The following PRKG1 variants were observed in gnomAD, a reference collection of about 807,000 sequenced individuals.
PRKG1 encodes protein kinase cGMP-dependent 1.
A neutral mutation model predicts 88.1 loss-of-function variants in PRKG1; 35 were observed. The ratio of observed to expected loss-of-function variants is 0.40; its 90% CI spans 0.30 to 0.53. The LOEUF is 0.53. Ranked by LOEUF, PRKG1 falls within the 20% of genes least tolerant of loss-of-function variation. PRKG1 has a pLI of 0.59. For synonymous variants in PRKG1, 303 were observed against 292.5 expected (o/e 1.04, Z -0.37); for missense variants, 540 against 839.8 (o/e 0.64, Z 4.41).
At chr10:51,987,257 T>G (rs1397307380) in intron 5 of PRKG1, among the ~76,000 whole-genome samples, 1 of 152,058 alleles carries the variant, frequency 6.6e-6, no homozygotes, top group African/African-American at 2.4e-5. Context: ...TGTTCAATGA[T>G]GTATGTACTT....
At chr10:51,521,973 G>A (rs1006475019) in intron 3 of PRKG1, among the ~76,000 whole-genome samples, 18 of 151,896 alleles carry the variant, frequency 1.2e-4, no homozygotes, top group Non-Finnish European at 2.9e-5. Flanking sequence ...ATACAGCATG[G>A]GAGTCAGAAA....
rs570732863 is a variant in PRKG1 at position 51,476,384 on chromosome 10, G to A, written c.592+8548G>A. ...AAAAAAGATTCAAGAAGCAATCTGG[G>A]GTAGCTGAACATTTTCCTTTAAAGC... On this transcript the variant is annotated intron_variant, in intron 3 of 17. Coordinates refer to ENST00000373980, the MANE Select transcript of PRKG1 (RefSeq NM_006258.4). Among the ~76,000 whole-genome samples the A allele has an allele frequency of 9.9e-5, 15 of 152,098 alleles. No individual in the cohort carries two copies. In the East Asian group the frequency reaches 2.3e-3, roughly 24 times the overall value.
intron 3 of PRKG1, among the ~76,000 whole-genome samples, chr10:51,479,560 T>A (rs1330239850): frequency 6.6e-6 from 1 of 152,120 alleles, no homozygotes; most frequent in Non-Finnish European, 1.5e-5. Flanking sequence ...TCCTTTTTCT[T>A]CTACTCATCT....
At chr10:51,073,652 G>A (rs753872855), upstream of PRKG1, among the ~76,000 whole-genome samples, 2 of 152,108 alleles carry the variant, frequency 1.3e-5, no homozygotes, top group Non-Finnish European at 2.9e-5. Flanking sequence ...AGTTTGGAAG[G>A]GGCAGAAAGG....
intron 1 of PRKG1, among the ~76,000 whole-genome samples, chr10:51,080,393 T>C (rs1844076594): frequency 6.6e-6 from 1 of 152,126 alleles, no homozygotes; most frequent in Non-Finnish European, 1.5e-5. Flanking sequence ...ACACAGATGA[T>C]GTTTCTATTG....
intron 7 of PRKG1, among the ~76,000 whole-genome samples, chr10:52,100,809 T>C (rs1265786745): frequency 1.3e-5 from 2 of 152,252 alleles, no homozygotes; most frequent in Non-Finnish European, 2.9e-5. Flanking sequence ...TATTTATATC[T>C]GCTTTATTAC....
At chr10:51,627,514 A>G (rs191143390) in intron 3 of PRKG1, among the ~76,000 whole-genome samples, 45 of 152,302 alleles carry the variant, frequency 3.0e-4, no homozygotes, top group Non-Finnish European at 8.8e-5. Context: ...ATTTGGACTC[A>G]GATAGATGTA....
rs74133544 is a variant in PRKG1, at chr10:51,230,532, C to A, written c.478+77202C>A. ...TTAGATACACTCGTGTGAAAAATGT[C>A]TGGTCCATACTAAAGAGTTAAATTC... On this transcript the variant is annotated intron_variant, in intron 2 of 17. Transcript: ENST00000373980. Among the ~76,000 whole-genome samples, 502 of 152,278 alleles carry A rather than the reference C, an allele frequency of 3.3e-3. 5 individuals carry two copies. Among genetic ancestry groups the A allele is most frequent in the African/African-American group, 0.01 (432 of 41,564 alleles).
intron 7 of PRKG1, among the ~76,000 whole-genome samples, chr10:52,063,764 G>T (rs1321376461): frequency 6.6e-6 from 1 of 152,044 alleles, no homozygotes; most frequent in African/African-American, 2.4e-5. Context: ...CTGTAGGCAG[G>T]TCGTCCCAAT....
intron 3 of PRKG1, among the ~76,000 whole-genome samples, chr10:51,757,057 TA>T (rs544775563): frequency 1.3e-3 from 204 of 152,060 alleles, no homozygotes; most frequent in African/African-American, 4.3e-3. Flanking sequence ...CATTTTATTT[TA>T]TTTTTTTTAT....
At chr10:51,288,279 G>A (rs563982912) in intron 2 of PRKG1, among the ~76,000 whole-genome samples, 1 of 152,188 alleles carries the variant, frequency 6.6e-6, no homozygotes, top group African/African-American at 2.4e-5. Context: ...CTACTTTTTT[G>A]TGGGGATTTT....
intron 3 of PRKG1, among the ~76,000 whole-genome samples, chr10:51,491,113 A>G (rs1306085760): frequency 6.6e-6 from 1 of 152,042 alleles, no homozygotes; most frequent in Non-Finnish European, 1.5e-5. Flanking sequence ...GAAGACTTTG[A>G]TATGTATAAT....
At chr10:52,259,575 G>A (rs1841385838) in intron 10 of PRKG1, among the ~76,000 whole-genome samples, 1 of 151,880 alleles carries the variant, frequency 6.6e-6, no homozygotes, top group Non-Finnish European at 1.5e-5. Flanking sequence ...CATTGTCATT[G>A]ACATATACAA....
At chr10:51,748,637 T>C (rs1256226817) in intron 3 of PRKG1, among the ~76,000 whole-genome samples, 7 of 152,230 alleles carry the variant, frequency 4.6e-5, no homozygotes, top group Non-Finnish European at 8.8e-5. Flanking sequence ...AAAATTGTTT[T>C]TCTGTCTTAA....
intron 4 of PRKG1, among the ~76,000 whole-genome samples, chr10:51,818,673 T>TAA (rs1839656484): frequency 6.6e-6 from 1 of 152,176 alleles, no homozygotes; most frequent in Admixed American, 6.5e-5. Context: ...TCTTCAGTAC[T>TAA]GGCTTTGTCA....
chr10:52,180,327 T>C (rs1838984054), intron 9 of PRKG1, among the ~76,000 whole-genome samples: 1 of 152,236 alleles, frequency 6.6e-6, no homozygotes, highest in South Asian at 2.1e-4. Context: ...CCCGGATTTG[T>C]TTAAATTGTC....
chr10:51,603,984 C>T (rs998810730), intron 3 of PRKG1, among the ~76,000 whole-genome samples: 1 of 152,052 alleles, frequency 6.6e-6, no homozygotes, highest in African/African-American at 2.4e-5. Context: ...AGGTGTTTAC[C>T]CCACTTCTGT....
At chr10:51,520,012 A>G (rs2132075383) in intron 3 of PRKG1, among the ~76,000 whole-genome samples, 1 of 152,244 alleles carries the variant, frequency 6.6e-6, no homozygotes, top group African/African-American at 2.4e-5. Flanking sequence ...CTATATTTAT[A>G]GATGATTTAG....
intron 3 of PRKG1, among the ~76,000 whole-genome samples, chr10:51,515,442 G>T (rs1300366697): frequency 1.3e-5 from 2 of 152,170 alleles, no homozygotes; most frequent in Admixed American, 6.5e-5. Context: ...ATTCATGGTT[G>T]TGTCTAGTAG....
Sources: gnomAD v4.1 joint callset for allele counts (sites outside exome capture counted in the v4.1 genomes callset) on GRCh38, gnomAD v4.1.1 for gene constraint, MANE v1.5 for transcripts, NCBI Gene and HGNC (gene_info 2026-07-23, HGNC 2026-07-21) for gene names.